ZFPM2: variants seen among roughly 807,000 people sequenced by gnomAD.
ZFPM2 encodes the protein zinc finger protein, FOG family member 2, also known as zinc finger protein ZFPM2.
A neutral mutation model predicts 98.6 loss-of-function variants in ZFPM2; 20 were observed. That is an observed-to-expected ratio of 0.20 (90% CI 0.14 to 0.29). ZFPM2 has a LOEUF of 0.29. Among genes scored for constraint, ZFPM2 ranks in the 10% least tolerant of loss-of-function variants. The pLI, the probability that ZFPM2 is intolerant of heterozygous loss-of-function variation, is 1.00. For synonymous variants in ZFPM2, 518 were observed against 502.7 expected (o/e 1.03, Z -0.41); for missense variants, 1,310 against 1,388.6 (o/e 0.94, Z 0.90).
At chr8:105,748,718 C>T (rs772058332) in intron 5 of ZFPM2, among the ~76,000 whole-genome samples, 2 of 151,944 alleles carry the variant, frequency 1.3e-5, no homozygotes, top group Non-Finnish European at 2.9e-5. Context: ...GAGGTTCTTG[C>T]TGGTTTGAAG....
intron 2 of ZFPM2, among the ~76,000 whole-genome samples, chr8:105,429,540 C>T (rs58634264): frequency 6.6e-6 from 1 of 151,454 alleles, no homozygotes; most frequent in East Asian, 1.9e-4. Context: ...TAATGTGCAT[C>T]ATTCTAATGT....
intron 5 of ZFPM2, among the ~76,000 whole-genome samples, chr8:105,686,718 C>G (rs1162369407): frequency 1.3e-5 from 2 of 152,086 alleles, no homozygotes; most frequent in Non-Finnish European, 2.9e-5. Flanking sequence ...TTTTAACATT[C>G]ATAGTTAGCA....
intron 5 of ZFPM2, among the ~76,000 whole-genome samples, chr8:105,716,656 T>A (rs1372481619): frequency 6.6e-6 from 1 of 152,004 alleles, no homozygotes; most frequent in Non-Finnish European, 1.5e-5. Flanking sequence ...GTCTATTCTG[T>A]AAGATCCTCT....
At chr8:105,432,020 G>T (rs1812030671) in intron 2 of ZFPM2, among the ~76,000 whole-genome samples, 1 of 152,028 alleles carries the variant, frequency 6.6e-6, no homozygotes, top group Admixed American at 6.6e-5. Context: ...AGAGGGAACA[G>T]CATTTGAGCG....
chr8:105,675,885 C>A (rs1201028192), intron 5 of ZFPM2: 2 of 152,074 alleles, frequency 1.3e-5, no homozygotes, highest in East Asian at 3.9e-4. Context: ...CTGCATTATT[C>A]CTAATTGTAT....
intron 3 of ZFPM2, among the ~76,000 whole-genome samples, chr8:105,557,985 C>G (rs925860038): frequency 4.6e-5 from 7 of 152,066 alleles, no homozygotes; most frequent in African/African-American, 1.7e-4. Flanking sequence ...GCAAACCACT[C>G]TTTTAACAGT....
chr8:105,772,332 G>T (rs1243968738), intron 5 of ZFPM2, among the ~76,000 whole-genome samples: 5 of 152,086 alleles, frequency 3.3e-5, no homozygotes. Flanking sequence ...AGCATACAGG[G>T]ATTTATAAGG....
chr8:105,704,926 C>T (rs1207128693), intron 5 of ZFPM2, among the ~76,000 whole-genome samples: 1 of 152,142 alleles, frequency 6.6e-6, no homozygotes, highest in African/African-American at 2.4e-5. Flanking sequence ...CAGTTAGTCT[C>T]GTCTTAGGGA....
At chr8:105,665,866 A>G (rs915980074) in intron 5 of ZFPM2, among the ~76,000 whole-genome samples, 1 of 152,210 alleles carries the variant, frequency 6.6e-6, no homozygotes, top group Non-Finnish European at 1.5e-5. Context: ...GCTTGTATGT[A>G]TATGGTTGGC....
At chr8:105,648,900 C>G (rs761934593) in intron 5 of ZFPM2, among the ~76,000 whole-genome samples, 16 of 152,086 alleles carry the variant, frequency 1.1e-4, no homozygotes, top group Admixed American at 9.2e-4. Flanking sequence ...AGTAGTTTTT[C>G]CCAATTCTGT....
chr8:105,653,854 C>CTTTTTTTTTTTTTTTTTTTTTTTTTTTT, intron 5 of ZFPM2, among the ~76,000 whole-genome samples: 2 of 35,260 alleles, frequency 5.7e-5, no homozygotes, highest in Non-Finnish European at 9.8e-5. Flanking sequence ...TGTGTGCTAT[C>CTTTTTTTTTTTTTTTTTTTTTTTTTTTT]TTTTTTTTTT....
intron 3 of ZFPM2, chr8:105,528,908 T>C (rs1814232112): frequency 6.6e-6 from 1 of 152,066 alleles, no homozygotes; most frequent in Non-Finnish European, 1.5e-5. Flanking sequence ...CCCTTCAGAG[T>C]CTGAAGTAAA....
chr8:105,570,506 T>A (rs1013015431), intron 4 of ZFPM2, among the ~76,000 whole-genome samples: 4 of 152,140 alleles, frequency 2.6e-5, no homozygotes, highest in African/African-American at 9.7e-5. Context: ...TCTGAAGGGA[T>A]TTGCTGTGTT....
intron 4 of ZFPM2, among the ~76,000 whole-genome samples, chr8:105,601,224 C>A (rs982325998): frequency 6.6e-6 from 1 of 152,050 alleles, no homozygotes; most frequent in South Asian, 2.1e-4. Flanking sequence ...CTAAGCATAA[C>A]CAAAAGATGT....
At position 105,429,055 on chromosome 8, in the gene ZFPM2, T is replaced by C. The variant is rs1164411447; in HGVS notation, c.199+9753T>C. Among the ~76,000 whole-genome samples, 11 of 152,280 alleles carry C rather than the reference T, an allele frequency of 7.2e-5. No homozygotes were observed. The East Asian group carries it at 2.1e-3, about 29-fold the overall frequency. ...TTTCTGACAGAAAGGAAGGTCTCTT[T>C]AAGGATTATTTTTAATGATATAAAT... On this transcript the variant is annotated intron_variant, in intron 2 of 7. Coordinates refer to ENST00000407775, the MANE Select transcript of ZFPM2 (RefSeq NM_012082.4).
chr8:105,401,948 C>T (rs189425456), intron 1 of ZFPM2, among the ~76,000 whole-genome samples: 1 of 152,108 alleles, frequency 6.6e-6, no homozygotes, highest in East Asian at 1.9e-4. Context: ...AGCATGGTAA[C>T]ATGTAATTTT....
chr8:105,577,488 TGAAA>T (rs1400246292), intron 4 of ZFPM2, among the ~76,000 whole-genome samples: 1 of 152,068 alleles, frequency 6.6e-6, no homozygotes, highest in Non-Finnish European at 1.5e-5. Flanking sequence ...CCTCTATTAT[TGAAA>T]GAAATACACA....
At chr8:105,638,447 G>C (rs1586166610) in intron 5 of ZFPM2, among the ~76,000 whole-genome samples, 1 of 151,988 alleles carries the variant, frequency 6.6e-6, no homozygotes, top group African/African-American at 2.4e-5. Context: ...TCTCATGGAC[G>C]ATGAAAATTA....
intron 5 of ZFPM2, among the ~76,000 whole-genome samples, chr8:105,668,460 A>G (rs951313646): frequency 3.3e-5 from 5 of 152,192 alleles, no homozygotes; most frequent in African/African-American, 1.2e-4. Flanking sequence ...TTCTTAAAAC[A>G]GAAAAAAGTA....
Sources: gnomAD v4.1 joint callset for allele counts (sites outside exome capture counted in the v4.1 genomes callset) on GRCh38, gnomAD v4.1.1 for gene constraint, MANE v1.5 for transcripts, NCBI Gene and HGNC (gene_info 2026-07-23, HGNC 2026-07-21) for gene names.